Variants in MED15 observed in about 807,000 individuals in gnomAD.
The protein encoded by MED15 is mediator complex subunit 15.
MED15 carries 41 observed loss-of-function variants against 118.7 expected under a neutral mutation model. That is an observed-to-expected ratio of 0.35 (90% CI 0.27 to 0.45). The LOEUF (loss-of-function observed/expected upper bound fraction) is 0.45. Ranked by LOEUF, MED15 falls within the 20% of genes least tolerant of loss-of-function variation. MED15 has a pLI of 1.00. For synonymous variants in MED15, 436 were observed against 413.9 expected, an observed-to-expected ratio of 1.05 and a Z score of -0.65; for missense variants, 740 against 1,025.5, an observed-to-expected ratio of 0.72 and a Z score of 3.80.
intron 5 of MED15, among the ~76,000 whole-genome samples, chr22:20,562,776 G>A (rs1393169327): frequency 4.6e-5 from 7 of 152,072 alleles, no homozygotes; most frequent in Admixed American, 4.6e-4. Context: ...AGTGACCCAC[G>A]CCTATAATCT....
Position 20,507,714 on chromosome 22 carries a change from C to T in MED15, c.36C>T (p.Ser12=), listed in dbSNP as rs1395341838. 3.1e-6 allele frequency: 5 copies of T among 1,614,042 alleles called. No homozygotes were observed. Among genetic ancestry groups the T allele is most frequent in the Admixed American group, 1.7e-5 (1 of 60,032 alleles). Residue 12 remains serine, a synonymous_variant, in exon 1 of 18, where the codon AGC becomes AGT. Transcript: ENST00000263205. ...DVSGQETDWR[S]TAFRQKLVSQ... ...CCGGGCAAGAGACCGACTGGCGGAG[C>T]ACCGCCTTCCGGCAGAAGCTGGTCA... is the stretch of plus-strand genomic sequence containing the variant.
intron 2 of MED15, chr22:20,550,853 C>T: frequency 3.1e-6 from 1 of 324,216 alleles, no homozygotes; most frequent in Non-Finnish European, 6.1e-6. Context: ...GTGGCCTTCA[C>T]CTCACCTGAG....
chr22:20,567,636 C>G (rs749226467), intron 7 of MED15, among the ~76,000 whole-genome samples: 1 of 152,136 alleles, frequency 6.6e-6, no homozygotes, highest in Non-Finnish European at 1.5e-5. Context: ...CCCTTGTGTG[C>G]TGCATGGTGG....
chr22:20,564,325 T>TCCG lies in MED15; in HGVS notation c.452-124_452-123insCGC, dbSNP rs796466841. The TCCG allele has an allele frequency of 1.3e-5, 19 of 1,501,100 alleles. No individual in the cohort carries two copies. In the African/African-American group the frequency reaches 2.6e-4, roughly 21 times the overall value. The allele number at this position is 1,501,100 out of a possible 1,614,324, so 93.0% of individuals were successfully genotyped here. A position where few individuals can be genotyped will look rare whatever the true frequency, so the allele number is the denominator to read the frequency against. On this transcript the variant is annotated intron_variant, in intron 5 of 17. Coordinates refer to ENST00000263205, the MANE Select transcript of MED15 (RefSeq NM_001003891.3). The stretch of plus-strand genomic sequence containing the variant: ...TTTCTGTCTGTGGTAAATGGAACGT[T>TCCG]CAGATTCCAGCGGCAGCCGTGGCAG...
chr22:20,530,732 C>A (rs1188663504), intron 1 of MED15, among the ~76,000 whole-genome samples: 1 of 151,600 alleles, frequency 6.6e-6, no homozygotes, highest in Non-Finnish European at 1.5e-5. Flanking sequence ...GTTCATGCCT[C>A]ATCAACATGC....
chr22:20,561,518 CAA>C (rs949696110), intron 5 of MED15, among the ~76,000 whole-genome samples: 1 of 114,960 alleles, frequency 8.7e-6, no homozygotes, highest in African/African-American at 3.3e-5. Flanking sequence ...GATTCCATCT[CAA>C]AAAAAAAAAG....
At chr22:20,555,725 C>T (rs2055974391) in intron 5 of MED15, among the ~76,000 whole-genome samples, 1 of 152,218 alleles carries the variant, frequency 6.6e-6, no homozygotes, top group African/African-American at 2.4e-5. Flanking sequence ...CTCTTCTTTC[C>T]AGGACCTGTC....
At chr22:20,570,738 C>CTTTTTTTTTTT (rs2056622196) in intron 8 of MED15, among the ~76,000 whole-genome samples, 4 of 90,974 alleles carry the variant, frequency 4.4e-5, no homozygotes, top group African/African-American at 4.7e-5. Context: ...TTCTTTCTTT[C>CTTTTTTTTTTT]TTTCTTTCTT....
In MED15 at chr22:20,575,383, T is replaced by TTA; in HGVS notation, c.1272+151_1272+152insTA. On this transcript the variant is annotated intron_variant, in intron 9 of 17. Transcript: ENST00000263205. ...CCCACAGTCCCTTTTTTTTTTTTTT[T>TTA]AAATGAAGCCAAGCCCAGCTTGTGC... 9 of 862,256 alleles carry TTA rather than the reference T, an allele frequency of 1.0e-5. No individual in the cohort carries two copies. The African/African-American group carries it at 1.2e-4, about 11-fold the overall frequency. 53.4% of individuals were successfully genotyped at this position (862,256 alleles called of 1,614,324 possible). A position where few individuals can be genotyped will look rare whatever the true frequency, so the allele number is the denominator to read the frequency against.
At chr22:20,524,855 C>T (rs945418792) in intron 1 of MED15, among the ~76,000 whole-genome samples, 8 of 152,102 alleles carry the variant, frequency 5.3e-5, no homozygotes, top group South Asian at 2.1e-4. Context: ...CCTCGTGATC[C>T]GCCTGCCTTG....
intron 1 of MED15, among the ~76,000 whole-genome samples, chr22:20,519,674 C>G (rs958886899): frequency 2.0e-5 from 3 of 152,130 alleles, no homozygotes; most frequent in African/African-American, 7.2e-5. Flanking sequence ...AAGCTGGTCT[C>G]AAACTTCTGA....
intron 8 of MED15, among the ~76,000 whole-genome samples, chr22:20,572,825 C>T (rs570118359): frequency 6.6e-6 from 1 of 152,226 alleles, no homozygotes; most frequent in South Asian, 2.1e-4. Flanking sequence ...CTCGGGAGGC[C>T]GAGTTGGGAG....
At chr22:20,511,031 G>A (rs1019680280) in intron 1 of MED15, among the ~76,000 whole-genome samples, 1 of 152,228 alleles carries the variant, frequency 6.6e-6, no homozygotes. Flanking sequence ...TAGGGTTCAC[G>A]TTGAAAGTCG....
At chr22:20,553,223 A>C in intron 4 of MED15, 49 bp downstream of exon 4, 1 of 1,574,126 alleles carries the variant, frequency 6.4e-7, no homozygotes, top group Non-Finnish European at 8.7e-7. Flanking sequence ...TTTGGATTTG[A>C]GGTGGCAAGA....
intron 2 of MED15, among the ~76,000 whole-genome samples, chr22:20,547,266 A>AT (rs1307950033): frequency 6.6e-6 from 1 of 152,134 alleles, no homozygotes; most frequent in Non-Finnish European, 1.5e-5. Context: ...TTTTTGTTTC[A>AT]TTTTTTTAAA....
intron 4 of MED15, chr22:20,554,728 G>T: frequency 1.9e-6 from 1 of 515,030 alleles, no homozygotes; most frequent in East Asian, 3.2e-5. Context: ...CAGGCTAGAG[G>T]TATGGGTCAT....
At chr22:20,530,508 C>T (rs1466415544) in intron 1 of MED15, among the ~76,000 whole-genome samples, 1 of 151,914 alleles carries the variant, frequency 6.6e-6, no homozygotes, top group Non-Finnish European at 1.5e-5. Context: ...GCTGGCTGTC[C>T]TGGGAATTCA....
chr22:20,519,111 C>T, intron 1 of MED15: 1 of 335,900 alleles, frequency 3.0e-6, no homozygotes, highest in Admixed American at 4.3e-5. Flanking sequence ...CCTCCGCCTC[C>T]CAAAGTGCTG....
intron 1 of MED15, chr22:20,523,738 C>T: frequency 1.0e-6 from 1 of 984,784 alleles, no homozygotes; most frequent in South Asian, 4.7e-5. Flanking sequence ...CTTTCCAACT[C>T]TGCTGGTTCT....
Sources: gnomAD v4.1 joint callset for allele counts (sites outside exome capture counted in the v4.1 genomes callset) on GRCh38, gnomAD v4.1.1 for gene constraint, MANE v1.5 for transcripts, NCBI Gene and HGNC (gene_info 2026-07-23, HGNC 2026-07-21) for gene names.